Variants in CLVS1 observed in about 807,000 individuals in gnomAD.
CLVS1 encodes clavesin-1.
In CLVS1, 10 loss-of-function variants were observed where a neutral mutation model predicts 33.1. The observed-to-expected ratio is 0.30, with a 90% CI of 0.19 to 0.51. CLVS1 has a LOEUF of 0.51. CLVS1 is among the 20% of genes least tolerant of loss of function. The pLI is 0.97. For synonymous variants in CLVS1, 163 were observed against 166.1 expected (o/e 0.98, Z 0.14); for missense variants, 343 against 433.4 (o/e 0.79, Z 1.85).
At chr8:61,286,314 A>G (rs1175770674), upstream of CLVS1, among the ~76,000 whole-genome samples, 1 of 152,220 alleles carries the variant, frequency 6.6e-6, no homozygotes, top group Non-Finnish European at 1.5e-5. Context: ...TTAGATGATC[A>G]GCCAATATTT....
At chr8:61,120,246 G>A (rs1805827985) in intron 1 of CLVS1, among the ~76,000 whole-genome samples, 1 of 143,452 alleles carries the variant, frequency 7.0e-6, no homozygotes, top group Admixed American at 6.8e-5. Context: ...GCACTTGTCT[G>A]TATTGGTTAT....
chr8:61,382,210 A>G (rs902986335), intron 3 of CLVS1, among the ~76,000 whole-genome samples: 1 of 152,196 alleles, frequency 6.6e-6, no homozygotes, highest in African/African-American at 2.4e-5. Flanking sequence ...TCATATTGTG[A>G]TTAGTAATTT....
chr8:61,143,305 G>C (rs913760248), intron 2 of CLVS1, among the ~76,000 whole-genome samples: 1 of 152,166 alleles, frequency 6.6e-6, no homozygotes, highest in Admixed American at 6.5e-5. Context: ...TAAGCCCCAG[G>C]ATTCGCACTG....
intron 1 of CLVS1, among the ~76,000 whole-genome samples, chr8:61,060,402 A>G (rs1489105944): frequency 6.6e-6 from 1 of 152,222 alleles, no homozygotes; most frequent in African/African-American, 2.4e-5. Flanking sequence ...ATTTTGGCTC[A>G]TATCTAGCCA....
At chr8:61,413,939 A>G (rs180700072) in intron 3 of CLVS1, among the ~76,000 whole-genome samples, 128 of 152,354 alleles carry the variant, frequency 8.4e-4, no homozygotes, top group Middle Eastern at 3.4e-3. Context: ...GATTCCAGAA[A>G]TGTGATTGCT....
In CLVS1 at chr8:61,149,551, C is replaced by CAAAAAAAAAAAAAAAA. The variant is rs1166606940; in HGVS notation, c.-152+17693_-152+17708dup. Among the ~76,000 whole-genome samples the CAAAAAAAAAAAAAAAA allele has an allele frequency of 4.6e-3, 240 of 51,892 alleles. 17 individuals are homozygous for CAAAAAAAAAAAAAAAA. The highest frequency in any genetic ancestry group is 8.1e-3 in the Non-Finnish European group (185 of 22,874). 34.0% of individuals were successfully genotyped at this position (51,892 alleles called of 152,430 possible). The stretch of plus-strand genomic sequence containing the variant: ...TAGGCGACAGAACGAGACTCTGTCT[C>CAAAAAAAAAAAAAAAA]AAAAAAAAAAAAAAAAACAAAAAAC... On this transcript the variant is annotated intron_variant, in intron 2 of 2. Coordinates refer to the CLVS1 transcript ENST00000522621.
intron 2 of CLVS1, among the ~76,000 whole-genome samples, chr8:61,184,970 G>T (rs192769308): frequency 4.3e-4 from 65 of 151,946 alleles, no homozygotes; most frequent in African/African-American, 1.5e-3. Flanking sequence ...CAATATTTTC[G>T]TGAATATATG....
At chr8:61,440,036 A>G (rs947606057) in intron 3 of CLVS1, among the ~76,000 whole-genome samples, 2 of 152,148 alleles carry the variant, frequency 1.3e-5, no homozygotes, top group African/African-American at 4.8e-5. Context: ...GCTCTTCCCT[A>G]AGGAACTACC....
At chr8:61,425,197 A>G (rs1048585487) in intron 3 of CLVS1, among the ~76,000 whole-genome samples, 2 of 152,306 alleles carry the variant, frequency 1.3e-5, no homozygotes, top group East Asian at 1.9e-4. Context: ...GATACACAAA[A>G]TATTTTTAAT....
At position 61,299,803 on chromosome 8, in the gene CLVS1, A is replaced by G; in HGVS notation, c.-25A>G. On this transcript the variant is annotated 5_prime_UTR_variant, in exon 2 of 6. Coordinates refer to ENST00000325897, the MANE Select transcript of CLVS1 (RefSeq NM_173519.3). ...GTAGTAAAACACTGTTGAATGGGCC[A>G]CAGTTTCAGCAGACCATCAGGTGAA... The G allele has an allele frequency of 4.5e-6, 7 of 1,556,530 alleles. No homozygotes were observed. The highest frequency in any genetic ancestry group is 6.1e-6 in the Non-Finnish European group (7 of 1,140,080).
intron 1 of CLVS1, chr8:61,057,282 C>T (rs967837922): frequency 1.3e-5 from 2 of 152,104 alleles, no homozygotes; most frequent in Non-Finnish European, 1.5e-5. Flanking sequence ...CCTCTTCTCT[C>T]ATGTATTTTC....
chr8:61,094,105 T>G (rs2129285124), intron 1 of CLVS1, among the ~76,000 whole-genome samples: 1 of 152,346 alleles, frequency 6.6e-6, no homozygotes, highest in South Asian at 2.1e-4. Flanking sequence ...CTTCCCTTTA[T>G]TCTGAGCCCA....
intron 2 of CLVS1, among the ~76,000 whole-genome samples, chr8:61,277,776 G>A (rs1809590353): frequency 6.6e-6 from 1 of 152,112 alleles, no homozygotes; most frequent in South Asian, 2.1e-4. Flanking sequence ...CCCCTGACAC[G>A]AAAGACAGAT....
At chr8:61,167,653 T>C (rs1269597422) in intron 2 of CLVS1, among the ~76,000 whole-genome samples, 1 of 152,184 alleles carries the variant, frequency 6.6e-6, no homozygotes, top group Admixed American at 6.5e-5. Context: ...CTTACTGGGC[T>C]GCAATCCCAG....
chr8:61,026,718 C>T, the CLVS1 span, among the ~76,000 whole-genome samples: 1 of 152,170 alleles, frequency 6.6e-6, no homozygotes, highest in African/African-American at 2.4e-5. Flanking sequence ...CTTCATGTAC[C>T]TGGACACAAA....
At chr8:60,995,786 G>T in the CLVS1 span, among the ~76,000 whole-genome samples, 6 of 152,214 alleles carry the variant, frequency 3.9e-5, no homozygotes, top group Admixed American at 3.3e-4. Flanking sequence ...TGATAGACTG[G>T]ATTAAGAAAA....
chr8:61,340,945 G>A (rs754319921), intron 2 of CLVS1, among the ~76,000 whole-genome samples: 12 of 152,204 alleles, frequency 7.9e-5, no homozygotes, highest in Non-Finnish European at 1.8e-4. Context: ...TTTTGGGAAT[G>A]TGAAGACAAT....
chr8:61,309,591 A>G (rs1275701773), intron 2 of CLVS1, among the ~76,000 whole-genome samples: 2 of 152,342 alleles, frequency 1.3e-5, no homozygotes, highest in East Asian at 3.9e-4. Context: ...CTTAGAGGAC[A>G]GGTGCTTTTC....
At chr8:61,399,974 C>G (rs780524832) in intron 3 of CLVS1, among the ~76,000 whole-genome samples, 3 of 152,058 alleles carry the variant, frequency 2.0e-5, no homozygotes, top group Non-Finnish European at 4.4e-5. Flanking sequence ...GGCATGATGC[C>G]TCCAGCTTTG....
Sources: allele counts gnomAD v4.1 joint callset (sites outside exome capture counted in the v4.1 genomes callset), GRCh38; gene constraint gnomAD v4.1.1; transcripts MANE v1.5; gene names NCBI Gene and HGNC (gene_info 2026-07-23, HGNC 2026-07-21).